CSMD1: variants seen among roughly 807,000 people sequenced by gnomAD.
CSMD1 encodes CUB and Sushi multiple domains 1.
A neutral mutation model predicts 417.5 loss-of-function variants in CSMD1; 213 were observed. The ratio of observed to expected loss-of-function variants is 0.51; its 90% CI spans 0.46 to 0.57. The LOEUF (loss-of-function observed/expected upper bound fraction) is 0.57, where lower values mean the gene tolerates loss of function less well. CSMD1 is among the 20% of genes least tolerant of loss of function. The probability of loss-of-function intolerance (pLI) is 0.00; values close to 1 mark genes in which losing one functional copy is unlikely to be tolerated. For synonymous variants in CSMD1, 2,862 were observed against 1,736.8 expected, an observed-to-expected ratio of 1.65 and a Z score of -16.11; for missense variants, 6,923 against 4,529.7, an observed-to-expected ratio of 1.53 and a Z score of -15.17.
At chr8:3,978,014 G>C (rs1219295580) in intron 5 of CSMD1, among the ~76,000 whole-genome samples, 1 of 152,160 alleles carries the variant, frequency 6.6e-6, no homozygotes, top group East Asian at 1.9e-4. Context: ...CTCTTACTCA[G>C]ATGGACACTT....
At chr8:4,180,494 G>C (rs1798300253) in intron 3 of CSMD1, among the ~76,000 whole-genome samples, 1 of 151,258 alleles carries the variant, frequency 6.6e-6, no homozygotes, top group Non-Finnish European at 1.5e-5. Context: ...GAGTTAGTGG[G>C]TGCAGCACAC....
intron 2 of CSMD1, among the ~76,000 whole-genome samples, chr8:4,453,506 CCTT>C (rs1563191657): frequency 1.3e-5 from 2 of 152,326 alleles, no homozygotes; most frequent in South Asian, 2.1e-4. Flanking sequence ...ATCCTTCAGG[CCTT>C]CTTGCATCAG....
chr8:3,906,789 A>C (rs375337596), intron 5 of CSMD1, among the ~76,000 whole-genome samples: 1 of 152,206 alleles, frequency 6.6e-6, no homozygotes. Flanking sequence ...TATTGAACAT[A>C]TATACAGACA....
In CSMD1 at chr8:3,605,119, C is replaced by T. The variant is rs192045881; in HGVS notation, c.1097+11591G>A. Among the ~76,000 whole-genome samples, 1,078 of 152,252 alleles carry T rather than the reference C, an allele frequency of 7.1e-3. 6 individuals carry two copies. The highest frequency in any genetic ancestry group is 0.011 in the Non-Finnish European group (755 of 68,018). On this transcript the variant is annotated intron_variant, in intron 8 of 69. Coordinates refer to ENST00000635120, the MANE Select transcript of CSMD1 (RefSeq NM_033225.6). ...AAGTGATTCTCCTGCCTCAGCCTCC[C>T]GAGTAGCTGGGACTACAGGCGCATG...
At chr8:4,657,386 C>T (rs901526220) in intron 1 of CSMD1, among the ~76,000 whole-genome samples, 1 of 152,172 alleles carries the variant, frequency 6.6e-6, no homozygotes, top group Admixed American at 6.5e-5. Flanking sequence ...CCTCTCTTTT[C>T]CTTTCTTTCT....
chr8:4,205,708 A>G (rs1377273517), intron 3 of CSMD1, among the ~76,000 whole-genome samples: 1 of 126,490 alleles, frequency 7.9e-6, no homozygotes, highest in African/African-American at 3.6e-5. Context: ...CTACCAAATA[A>G]TAGAGGTTTA....
intron 25 of CSMD1, among the ~76,000 whole-genome samples, chr8:3,297,932 C>T (rs1057478873): frequency 3.9e-5 from 6 of 151,946 alleles, no homozygotes; most frequent in African/African-American, 9.7e-5. Flanking sequence ...AAAAAATGGG[C>T]AAAAGGCTTC....
At chr8:3,874,627 A>G (rs1487958866) in intron 5 of CSMD1, among the ~76,000 whole-genome samples, 1 of 152,100 alleles carries the variant, frequency 6.6e-6, no homozygotes, top group Non-Finnish European at 1.5e-5. Context: ...CATGTGGAAT[A>G]TGTTTTTTGG....
intron 1 of CSMD1, chr8:4,787,860 G>T: frequency 2.5e-6 from 4 of 1,575,146 alleles, no homozygotes; most frequent in Non-Finnish European, 3.5e-6. Context: ...GGTTGCCCCA[G>T]AATTGTACAC....
At chr8:4,212,236 T>G (rs1015385936) in intron 3 of CSMD1, among the ~76,000 whole-genome samples, 15 of 151,330 alleles carry the variant, frequency 9.9e-5, no homozygotes, top group African/African-American at 3.6e-4. Flanking sequence ...ATACCTTAGC[T>G]AATTTTGCAT....
intron 29 of CSMD1, among the ~76,000 whole-genome samples, chr8:3,216,175 C>G (rs780889465): frequency 6.6e-6 from 1 of 151,718 alleles, no homozygotes; most frequent in Non-Finnish European, 1.5e-5. Context: ...TGTTGAAAAG[C>G]TGTTTGGATG....
chr8:3,998,424 T>G (rs1036754799), intron 4 of CSMD1, among the ~76,000 whole-genome samples: 2 of 152,138 alleles, frequency 1.3e-5, no homozygotes, highest in African/African-American at 4.8e-5. Flanking sequence ...TTTTCAGAGA[T>G]TTTCTCCGAA....
At chr8:3,540,891 G>A (rs1190065668) in intron 10 of CSMD1, among the ~76,000 whole-genome samples, 2 of 152,142 alleles carry the variant, frequency 1.3e-5, no homozygotes, top group African/African-American at 2.4e-5. Context: ...AGATGCCGGC[G>A]AGGCTGTGGA....
intron 51 of CSMD1, among the ~76,000 whole-genome samples, chr8:3,026,871 C>A (rs534085208): frequency 8.5e-5 from 13 of 152,146 alleles, no homozygotes; most frequent in Non-Finnish European, 1.8e-4. Flanking sequence ...GCTATCCCTT[C>A]CATAGAGGGT....
chr8:4,048,010 G>C (rs1285539103), intron 3 of CSMD1, among the ~76,000 whole-genome samples: 2 of 152,142 alleles, frequency 1.3e-5, no homozygotes, highest in Non-Finnish European at 2.9e-5. Context: ...CTTTGTATGA[G>C]AGATCAAACC....
chr8:2,994,961 G>A (rs1563216816), intron 54 of CSMD1, among the ~76,000 whole-genome samples: 2 of 152,132 alleles, frequency 1.3e-5, no homozygotes. Context: ...AATGCAAAGT[G>A]ATAGACAAAA....
At chr8:3,459,912 T>G (rs1463211168) in intron 12 of CSMD1, among the ~76,000 whole-genome samples, 1 of 151,806 alleles carries the variant, frequency 6.6e-6, no homozygotes, top group Non-Finnish European at 1.5e-5. Flanking sequence ...TTGATAAGGG[T>G]TAAATGGCCC....
chr8:3,333,304 C>T (rs1286621396), intron 23 of CSMD1, among the ~76,000 whole-genome samples: 1 of 152,052 alleles, frequency 6.6e-6, no homozygotes, highest in Non-Finnish European at 1.5e-5. Flanking sequence ...CTGTTTCAGG[C>T]CCCTACACGT....
intron 3 of CSMD1, among the ~76,000 whole-genome samples, chr8:4,281,560 T>C (rs975457033): frequency 1.3e-5 from 2 of 152,322 alleles, no homozygotes; most frequent in African/African-American, 4.8e-5. Flanking sequence ...TTGTGACAAA[T>C]GAGACTGTTC....
Sources: gnomAD v4.1 joint callset for allele counts (sites outside exome capture counted in the v4.1 genomes callset) on GRCh38, gnomAD v4.1.1 for gene constraint, MANE v1.5 for transcripts, NCBI Gene and HGNC (gene_info 2026-07-23, HGNC 2026-07-21) for gene names.